Variants in SDC2 observed in about 807,000 individuals in gnomAD.
The protein encoded by SDC2 is syndecan-2.
A neutral mutation model predicts 22.2 loss-of-function variants in SDC2; 13 were observed. The ratio of observed to expected loss-of-function variants is 0.59; its 90% CI spans 0.38 to 0.93. SDC2 has a LOEUF of 0.93. Among genes scored for constraint, SDC2 ranks in the 40% least tolerant of loss-of-function variants. The pLI is 0.00. For missense variants in SDC2, 235 were observed against 246.8 expected (o/e 0.95, Z 0.32); for synonymous variants, 94 against 92.8 (o/e 1.01, Z -0.07).
intron 1 of SDC2, among the ~76,000 whole-genome samples, chr8:96,495,362 C>T (rs902999512): frequency 2.0e-5 from 3 of 152,204 alleles, no homozygotes; most frequent in African/African-American, 7.2e-5. Context: ...CTTGTTTCCC[C>T]ACGTCGCCCA....
At chr8:96,508,349 C>T (rs538181950) in intron 1 of SDC2, among the ~76,000 whole-genome samples, 9 of 144,048 alleles carry the variant, frequency 6.2e-5, no homozygotes, top group African/African-American at 1.0e-4. Flanking sequence ...AATAATTAGC[C>T]GGGTGTGGTC....
At chr8:96,526,276 C>G (rs2439526) in intron 1 of SDC2, among the ~76,000 whole-genome samples, 20,854 of 148,564 alleles carry the variant, frequency 0.14, 1,606 homozygotes, top group Middle Eastern at 0.19. Flanking sequence ...AAAGCTAATA[C>G]TTGAAGTTTT....
intron 1 of SDC2, among the ~76,000 whole-genome samples, chr8:96,560,433 G>A (rs1053503422): frequency 3.3e-5 from 5 of 152,128 alleles, no homozygotes; most frequent in African/African-American, 9.7e-5. Context: ...TGAGTTAACT[G>A]TTCTACCAAA....
At chr8:96,556,057 T>TACACAC (rs753567813) in intron 1 of SDC2, among the ~76,000 whole-genome samples, 9,680 of 147,688 alleles carry the variant, frequency 0.066, 925 homozygotes, top group African/African-American at 0.21. Flanking sequence ...CACACACACA[T>TACACAC]ACACACACAC....
chr8:96,571,623 C>G (rs1263177077), intron 1 of SDC2, among the ~76,000 whole-genome samples: 1 of 152,178 alleles, frequency 6.6e-6, no homozygotes, highest in Non-Finnish European at 1.5e-5. Context: ...GCCTTGCTTT[C>G]TAATTATTTG....
chr8:96,499,673 T>C (rs1813130232), intron 1 of SDC2, among the ~76,000 whole-genome samples: 1 of 152,106 alleles, frequency 6.6e-6, no homozygotes, highest in Non-Finnish European at 1.5e-5. Context: ...ATAACATGAC[T>C]GTTGTGAAGA....
chr8:96,575,165 C>A (rs1814466703), intron 1 of SDC2, among the ~76,000 whole-genome samples: 2 of 152,144 alleles, frequency 1.3e-5, no homozygotes, highest in African/African-American at 4.8e-5. Context: ...CTGTTCTAGA[C>A]AACCAGAAAT....
chr8:96,575,472 A>G lies in SDC2; in HGVS notation c.61-18008A>G, dbSNP rs188426995. On this transcript the variant is annotated intron_variant, in intron 1 of 4. Coordinates refer to ENST00000302190, the MANE Select transcript of SDC2 (RefSeq NM_002998.4). ...CAACTTTTCACTGAAGTATAACACA[A>G]TCAGAAAAGTACACAGATCATAAGT... 4.0e-3 allele frequency among the ~76,000 whole-genome samples: 613 copies of G among 152,314 alleles called. 4 individuals are homozygous for G. The highest frequency in any genetic ancestry group is 8.6e-3 in the Admixed American group (132 of 15,304).
rs371347723 is a variant in SDC2, at chr8:96,495,006, G to A, written c.60+675G>A. ...CGCGTCCGAAAATGCTGGGACGCCGGCCACTGGATTCCCAGTCCTGCGGCG... is the reference window on the plus strand; with the variant it reads ...CGCGTCCGAAAATGCTGGGACGCCGACCACTGGATTCCCAGTCCTGCGGCG... On this transcript the variant is annotated intron_variant, in intron 1 of 4. Coordinates refer to ENST00000302190, the MANE Select transcript of SDC2 (RefSeq NM_002998.4). Among the ~76,000 whole-genome samples the A allele has an allele frequency of 1.4e-4, 21 of 152,342 alleles. 1 individual carries two copies. The South Asian group carries it at 1.7e-3, about 12-fold the overall frequency.
rs1405140731 is a variant in SDC2 at position 96,576,373 on chromosome 8, TGTTTTGTTTTG to T, written c.61-17106_61-17096del. Among the ~76,000 whole-genome samples the T allele has an allele frequency of 6.8e-3, 232 of 34,342 alleles. 27 individuals are homozygous for T. Among genetic ancestry groups the T allele is most frequent in the African/African-American group, 0.015 (222 of 14,876 alleles). 22.5% of individuals were successfully genotyped at this position (34,342 alleles called of 152,430 possible). On this transcript the variant is annotated intron_variant, in intron 1 of 4. Coordinates refer to ENST00000302190, the MANE Select transcript of SDC2 (RefSeq NM_002998.4). ...AGTTCAATAATTGGTAGTTTGTTTT[TGTTTTGTTTTG>T]TTTTTTTTTACCAGATTTGCTTTAT...
At chr8:96,596,560 G>C (rs376278588) in intron 2 of SDC2, among the ~76,000 whole-genome samples, 6 of 152,198 alleles carry the variant, frequency 3.9e-5, no homozygotes, top group African/African-American at 1.4e-4. Context: ...GTCTGTAGGG[G>C]ACCAAGAGTC....
intron 1 of SDC2, among the ~76,000 whole-genome samples, chr8:96,554,008 T>A (rs1428946935): frequency 1.3e-5 from 2 of 152,176 alleles, no homozygotes; most frequent in Non-Finnish European, 2.9e-5. Flanking sequence ...CAGGCTAGTC[T>A]TGAACTCCTG....
intron 1 of SDC2, among the ~76,000 whole-genome samples, chr8:96,552,564 C>G (rs1307327486): frequency 6.6e-6 from 1 of 152,214 alleles, no homozygotes; most frequent in African/African-American, 2.4e-5. Flanking sequence ...AGGATTTACT[C>G]TGATTCAGTA....
At chr8:96,606,377 A>G (rs1292481463) in intron 3 of SDC2, among the ~76,000 whole-genome samples, 1 of 152,168 alleles carries the variant, frequency 6.6e-6, no homozygotes, top group African/African-American at 2.4e-5. Flanking sequence ...AACCTCAATG[A>G]AGTTGACAGT....
chr8:96,590,839 T>C (rs1215078970), intron 1 of SDC2, among the ~76,000 whole-genome samples: 1 of 152,138 alleles, frequency 6.6e-6, no homozygotes, highest in Non-Finnish European at 1.5e-5. Context: ...AGAAACACAC[T>C]TTTGGCTGCC....
At chr8:96,566,689 ATATT>A (rs1322390478) in intron 1 of SDC2, among the ~76,000 whole-genome samples, 8 of 150,082 alleles carry the variant, frequency 5.3e-5, no homozygotes, top group Non-Finnish European at 1.2e-4. Flanking sequence ...TTTTATTTTT[ATATT>A]TATTTTATTA....
chr8:96,510,018 A>T (rs1239291413), intron 1 of SDC2, among the ~76,000 whole-genome samples: 5 of 152,156 alleles, frequency 3.3e-5, no homozygotes, highest in Non-Finnish European at 7.4e-5. Context: ...TTATCTGAGG[A>T]TGTCTTTTAA....
At chr8:96,494,408 G>T in intron 1 of SDC2, 77 bp downstream of exon 1, 1 of 1,411,480 alleles carries the variant, frequency 7.1e-7, no homozygotes, top group Non-Finnish European at 9.5e-7. Context: ...GGGAATAGGG[G>T]AGCGCCACCT....
chr8:96,576,405 TTTA>T (rs1814501819), intron 1 of SDC2, among the ~76,000 whole-genome samples: 1 of 42,794 alleles, frequency 2.3e-5, no homozygotes, highest in Non-Finnish European at 6.0e-5. Flanking sequence ...CCAGATTTGC[TTTA>T]TTATTCTCTT....
Sources: gnomAD v4.1 joint callset for allele counts (sites outside exome capture counted in the v4.1 genomes callset) on GRCh38, gnomAD v4.1.1 for gene constraint, MANE v1.5 for transcripts, NCBI Gene and HGNC (gene_info 2026-07-23, HGNC 2026-07-21) for gene names.